Variants in VEGFC observed in about 807,000 individuals in gnomAD.
VEGFC encodes vascular endothelial growth factor C.
Under a neutral mutation model 46.1 loss-of-function variants are expected in VEGFC, and 12 were observed. That is an observed-to-expected ratio of 0.26 (90% CI 0.17 to 0.42). VEGFC has a LOEUF of 0.42. VEGFC is among the 10% of genes least tolerant of loss of function. VEGFC has a pLI of 1.00. For missense variants in VEGFC, 488 were observed against 529.4 expected (o/e 0.92, Z 0.77); for synonymous variants, 232 against 195.5 (o/e 1.19, Z -1.56).
chr4:176,740,671 T>A (rs1735156908), intron 1 of VEGFC, among the ~76,000 whole-genome samples: 1 of 150,970 alleles, frequency 6.6e-6, no homozygotes, highest in African/African-American at 2.4e-5. Context: ...CCAAATAACT[T>A]ATTTTAGATT....
At chr4:176,765,886 A>T (rs1735613067) in intron 1 of VEGFC, among the ~76,000 whole-genome samples, 1 of 152,186 alleles carries the variant, frequency 6.6e-6, no homozygotes, top group Non-Finnish European at 1.5e-5. Flanking sequence ...AACAGTGAAA[A>T]TCATTTCTTG....
chr4:176,780,640 A>C (rs958711972), intron 1 of VEGFC, among the ~76,000 whole-genome samples: 6 of 152,172 alleles, frequency 3.9e-5, no homozygotes, highest in Admixed American at 3.9e-4. Context: ...GATATTTAAC[A>C]GGGGTGTAAT....
chr4:176,750,533 G>A lies in VEGFC; in HGVS notation c.148-20787C>T, dbSNP rs896367893. Among the ~76,000 whole-genome samples, 27 of 151,648 alleles carry A rather than the reference G, an allele frequency of 1.8e-4. No homozygotes were observed. In the South Asian group the frequency reaches 2.5e-3, roughly 14 times the overall value. ...TACAGTAAAAGACGTAGAGTCCACT[G>A]AGAAGCCATTTCAATTATAAACCTA... is the stretch of plus-strand genomic sequence containing the variant. On this transcript the variant is annotated intron_variant, in intron 1 of 6. Coordinates refer to ENST00000618562, the MANE Select transcript of VEGFC (RefSeq NM_005429.5).
chr4:176,782,706 T>C (rs548237241), intron 1 of VEGFC, among the ~76,000 whole-genome samples: 1 of 152,268 alleles, frequency 6.6e-6, no homozygotes, highest in African/African-American at 2.4e-5. Flanking sequence ...AGTATCTCCA[T>C]AGAGATGTGA....
chr4:176,695,399 G>A (rs1306012091), intron 4 of VEGFC, among the ~76,000 whole-genome samples: 6 of 151,688 alleles, frequency 4.0e-5, no homozygotes, highest in Non-Finnish European at 5.9e-5. Flanking sequence ...TAAATTCCTC[G>A]ACACATACAC....
chr4:176,783,085 G>A (rs1379791334), intron 1 of VEGFC, among the ~76,000 whole-genome samples: 1 of 152,092 alleles, frequency 6.6e-6, no homozygotes, highest in East Asian at 1.9e-4. Context: ...TTGACAAAGA[G>A]AACCACCAAA....
At chr4:176,717,115 A>C (rs1734712948) in intron 3 of VEGFC, among the ~76,000 whole-genome samples, 1 of 152,190 alleles carries the variant, frequency 6.6e-6, no homozygotes, top group South Asian at 2.1e-4. Context: ...AATTGTTCTG[A>C]ACCAATAAGT....
chr4:176,744,900 C>A (rs926973035), intron 1 of VEGFC, among the ~76,000 whole-genome samples: 2 of 152,058 alleles, frequency 1.3e-5, no homozygotes, highest in African/African-American at 2.4e-5. Flanking sequence ...GTGTTACTTA[C>A]ACCATATTAC....
At chr4:176,788,825 GA>G (rs1736044043) in intron 1 of VEGFC, among the ~76,000 whole-genome samples, 1 of 151,374 alleles carries the variant, frequency 6.6e-6, no homozygotes, top group Non-Finnish European at 1.5e-5. Context: ...TTTTTTAAAA[GA>G]AAAAAAGGAA....
chr4:176,722,161 A>G (rs957771461), intron 3 of VEGFC, among the ~76,000 whole-genome samples: 2 of 152,164 alleles, frequency 1.3e-5, no homozygotes, highest in Non-Finnish European at 2.9e-5. Flanking sequence ...ATCAACCAAT[A>G]ACAAAAAAGC....
intron 1 of VEGFC, among the ~76,000 whole-genome samples, chr4:176,760,678 A>C (rs1735513882): frequency 6.6e-6 from 1 of 152,202 alleles, no homozygotes; most frequent in Admixed American, 6.5e-5. Flanking sequence ...CTGTTCTCTA[A>C]AACACAGAAT....
At chr4:176,733,131 G>A (rs1457058831) in intron 1 of VEGFC, among the ~76,000 whole-genome samples, 5 of 151,896 alleles carry the variant, frequency 3.3e-5, no homozygotes, top group South Asian at 2.1e-4. Context: ...TCACAAGGAC[G>A]TGCAGCAACT....
intron 1 of VEGFC, among the ~76,000 whole-genome samples, chr4:176,730,851 G>A (rs1361864678): frequency 6.6e-6 from 1 of 151,936 alleles, no homozygotes. Flanking sequence ...TTCTATGTAA[G>A]TGATTTTTGT....
In VEGFC at chr4:176,777,918, C is replaced by CAAAA. The variant is rs773634012; in HGVS notation, c.147+14243_147+14246dup. Among the ~76,000 whole-genome samples the CAAAA allele has an allele frequency of 2.7e-3, 152 of 57,172 alleles. 8 individuals carry two copies. Among genetic ancestry groups the CAAAA allele is most frequent in the African/African-American group, 6.4e-3 (101 of 15,772 alleles). The allele number at this position is 57,172 out of a possible 152,430, so 37.5% of individuals were successfully genotyped here. On this transcript the variant is annotated intron_variant, in intron 1 of 6. Transcript: ENST00000618562. Reference sequence around the variant, plus strand: ...TGGGCGACAGAGCAAGACTTTGTCTCAAAAAAAAAAAAAAAAAAAAAAAAA... The same window carrying CAAAA: ...TGGGCGACAGAGCAAGACTTTGTCTCAAAAAAAAAAAAAAAAAAAAAAAAAAAAA...
intron 4 of VEGFC, among the ~76,000 whole-genome samples, chr4:176,694,168 A>G (rs982922641): frequency 1.3e-5 from 2 of 151,900 alleles, no homozygotes; most frequent in Non-Finnish European, 2.9e-5. Context: ...TGCTCCAATT[A>G]AAAGACACAG....
rs1579083150 is a variant in VEGFC at position 176,687,506 on chromosome 4, A to G, written c.826T>C (p.Phe276Leu). 6.2e-7 allele frequency: 1 copy of G among 1,605,794 alleles called. No homozygotes were observed. Among genetic ancestry groups the G allele is most frequent in the South Asian group, 1.1e-5 (1 of 90,530 alleles). ...TTGTTTGGTCCACAGATGTCATGGA[A>G]TCCATCTGTTGAGTCTAGACAAATA... ...SDAGDDSTDGFHDICGPNKEL... is the reference protein window; with the variant it reads ...SDAGDDSTDGLHDICGPNKEL... The change falls in exon 6 of 7, where the codon TTC becomes CTC. Residue 276 changes from phenylalanine to leucine, a missense_variant. Transcript: ENST00000618562.
At chr4:176,714,323 C>G (rs1015132859) in intron 3 of VEGFC, among the ~76,000 whole-genome samples, 1 of 152,158 alleles carries the variant, frequency 6.6e-6, no homozygotes, top group African/African-American at 2.4e-5. Flanking sequence ...TGCTCACACT[C>G]TGGCCATATG....
chr4:176,758,784 T>C (rs1323448422), intron 1 of VEGFC, among the ~76,000 whole-genome samples: 2 of 152,162 alleles, frequency 1.3e-5, no homozygotes, highest in Non-Finnish European at 1.5e-5. Context: ...TTTACATCCA[T>C]GCTGTCAATG....
At chr4:176,780,391 A>AAAAAAACAAACAAAC (rs559890197) in intron 1 of VEGFC, among the ~76,000 whole-genome samples, 1,671 of 148,666 alleles carry the variant, frequency 0.011, 65 homozygotes, top group Admixed American at 0.041. Context: ...CAAAAAAAAA[A>AAAAAAACAAACAAAC]AAAAAAAACT....
Sources: gnomAD v4.1 joint callset for allele counts (sites outside exome capture counted in the v4.1 genomes callset) on GRCh38, gnomAD v4.1.1 for gene constraint, MANE v1.5 for transcripts, NCBI Gene and HGNC (gene_info 2026-07-23, HGNC 2026-07-21) for gene names.